RABGAP1L: variants seen among roughly 807,000 people sequenced by gnomAD.
RABGAP1L encodes the protein rab GTPase-activating protein 1-like.
RABGAP1L carries 63 observed loss-of-function variants against 137.7 expected under a neutral mutation model. The observed-to-expected ratio is 0.46, with a 90% confidence interval of 0.37 to 0.56. The LOEUF is 0.56. RABGAP1L is among the 20% of genes least tolerant of loss of function. The pLI, the probability that RABGAP1L is intolerant of heterozygous loss-of-function variation, is 0.00. For missense variants in RABGAP1L, 1,095 were observed against 1,244.0 expected, an observed-to-expected ratio of 0.88 and a Z score of 1.80; for synonymous variants, 431 against 433.7, an observed-to-expected ratio of 0.99 and a Z score of 0.08.
At chr1:174,741,855 CAA>C (rs775821774) in intron 17 of RABGAP1L, among the ~76,000 whole-genome samples, 54 of 41,876 alleles carry the variant, frequency 1.3e-3, no homozygotes, top group Admixed American at 2.7e-3. Context: ...CCTATTTCTA[CAA>C]AAAAAAAAAA....
intron 20 of RABGAP1L, among the ~76,000 whole-genome samples, chr1:174,961,448 G>T (rs193091446): frequency 1.7e-4 from 26 of 152,272 alleles, no homozygotes; most frequent in African/African-American, 5.3e-4. Flanking sequence ...TCAGTTGCTG[G>T]TACTTTTTGG....
At chr1:174,297,824 C>G (rs1406545938) in intron 10 of RABGAP1L, among the ~76,000 whole-genome samples, 1 of 152,134 alleles carries the variant, frequency 6.6e-6, no homozygotes, top group Admixed American at 6.5e-5. Flanking sequence ...AAGGGCAGCT[C>G]AAAAATCCCA....
intron 13 of RABGAP1L, among the ~76,000 whole-genome samples, chr1:174,449,802 T>C (rs1655224925): frequency 6.6e-6 from 1 of 152,196 alleles, no homozygotes; most frequent in Non-Finnish European, 1.5e-5. Flanking sequence ...CAGCACAGTT[T>C]TTCTGCTATA....
intron 11 of RABGAP1L, among the ~76,000 whole-genome samples, chr1:174,327,982 C>CATATATATATATATATATATAT (rs1558136090): frequency 4.0e-5 from 1 of 24,758 alleles, no homozygotes; most frequent in African/African-American, 1.5e-4. Flanking sequence ...TATATATACA[C>CATATATATATATATATATATAT]ACACATATAT....
At chr1:174,315,808 C>T (rs2148811416) in intron 11 of RABGAP1L, among the ~76,000 whole-genome samples, 1 of 152,068 alleles carries the variant, frequency 6.6e-6, no homozygotes, top group South Asian at 2.1e-4. Flanking sequence ...GTTTGGGAAT[C>T]CATTTCAATA....
chr1:174,470,633 G>A (rs964941457), intron 13 of RABGAP1L, among the ~76,000 whole-genome samples: 2 of 152,120 alleles, frequency 1.3e-5, no homozygotes, highest in Non-Finnish European at 2.9e-5. Context: ...TGGATGTAGT[G>A]GTGGATGCCT....
intron 19 of RABGAP1L, among the ~76,000 whole-genome samples, chr1:174,895,181 A>C (rs1316325557): frequency 6.6e-6 from 1 of 152,204 alleles, no homozygotes; most frequent in Non-Finnish European, 1.5e-5. Context: ...AATGAATGAA[A>C]ATTATTCATT....
At chr1:174,265,374 T>A (rs141079857) in intron 7 of RABGAP1L, among the ~76,000 whole-genome samples, 1 of 152,266 alleles carries the variant, frequency 6.6e-6, no homozygotes, top group Non-Finnish European at 1.5e-5. Context: ...TAATCATTTT[T>A]AATATATTTT....
At chr1:174,444,187 G>GT (rs146180628) in intron 13 of RABGAP1L, among the ~76,000 whole-genome samples, 19,092 of 148,492 alleles carry the variant, frequency 0.13, 1,337 homozygotes, top group Middle Eastern at 0.28. Context: ...CAAATTTTAG[G>GT]TTTTTTTTTT....
chr1:174,277,273 T>G (rs1675080664), intron 9 of RABGAP1L, among the ~76,000 whole-genome samples: 1 of 152,028 alleles, frequency 6.6e-6, no homozygotes, highest in Non-Finnish European at 1.5e-5. Context: ...ACCCACAATT[T>G]GTTATTTCTG....
intron 13 of RABGAP1L, among the ~76,000 whole-genome samples, chr1:174,411,947 A>G (rs1055644536): frequency 6.6e-6 from 1 of 152,060 alleles, no homozygotes; most frequent in African/African-American, 2.4e-5. Context: ...AGAAAGATAT[A>G]TATTCTGTGG....
chr1:174,619,992 G>T (rs946119425), intron 13 of RABGAP1L, among the ~76,000 whole-genome samples: 1 of 152,162 alleles, frequency 6.6e-6, no homozygotes, highest in Non-Finnish European at 1.5e-5. Context: ...TGCAATCCTA[G>T]TCTCTGATAA....
intron 18 of RABGAP1L, among the ~76,000 whole-genome samples, chr1:174,774,047 ATC>A (rs1487021484): frequency 6.6e-6 from 1 of 152,254 alleles, no homozygotes; most frequent in Non-Finnish European, 1.5e-5. Context: ...AATTGATCTT[ATC>A]AGAATAATAT....
intron 11 of RABGAP1L, among the ~76,000 whole-genome samples, chr1:174,351,428 T>C (rs1425687569): frequency 6.6e-6 from 1 of 152,222 alleles, no homozygotes; most frequent in African/African-American, 2.4e-5. Flanking sequence ...GTTGGAAGGC[T>C]ATTTTCACTG....
At chr1:174,215,359 A>G (rs913304894) in intron 1 of RABGAP1L, among the ~76,000 whole-genome samples, 4 of 152,000 alleles carry the variant, frequency 2.6e-5, no homozygotes, top group Non-Finnish European at 5.9e-5. Flanking sequence ...TGGGAGGCTG[A>G]GGCAGGAGAA....
intron 13 of RABGAP1L, among the ~76,000 whole-genome samples, chr1:174,550,997 C>CATATATATATATATAT (rs1252681895): frequency 9.8e-5 from 9 of 92,166 alleles, no homozygotes; most frequent in African/African-American, 5.7e-4. Flanking sequence ...TATATATATA[C>CATATATATATATATAT]ACATATATAT....
chr1:174,626,584 A>T (rs1572582150), intron 13 of RABGAP1L, among the ~76,000 whole-genome samples: 1 of 152,056 alleles, frequency 6.6e-6, no homozygotes, highest in Non-Finnish European at 1.5e-5. Flanking sequence ...GTGTGCAGTG[A>T]CTGGGAAGCA....
intron 17 of RABGAP1L, among the ~76,000 whole-genome samples, chr1:174,709,635 C>G (rs1255293911): frequency 6.6e-6 from 1 of 152,130 alleles, no homozygotes; most frequent in East Asian, 1.9e-4. Flanking sequence ...GTATCAACAT[C>G]AACAAAAAGG....
intron 23 of RABGAP1L, 141 bp downstream of exon 23, chr1:174,979,031 T>C: frequency 8.0e-7 from 1 of 1,242,318 alleles, no homozygotes; most frequent in Non-Finnish European, 1.0e-6. Context: ...AAAAAAATTT[T>C]TTAGTTAGCC....
Sources: gnomAD v4.1 joint callset for allele counts (sites outside exome capture counted in the v4.1 genomes callset) on GRCh38, gnomAD v4.1.1 for gene constraint, MANE v1.5 for transcripts, NCBI Gene and HGNC (gene_info 2026-07-23, HGNC 2026-07-21) for gene names.